The following GNAQ variants were observed in gnomAD, a reference collection of about 807,000 sequenced individuals.
The protein encoded by GNAQ is G protein subunit alpha q, also known as guanine nucleotide-binding protein G(q) subunit alpha.
Under a neutral mutation model 43.9 loss-of-function variants are expected in GNAQ, and 8 were observed. The ratio of observed to expected loss-of-function variants is 0.18; its 90% CI spans 0.11 to 0.33. The LOEUF (loss-of-function observed/expected upper bound fraction) is 0.33. Ranked by LOEUF, GNAQ falls within the 10% of genes least tolerant of loss-of-function variation. The probability of loss-of-function intolerance (pLI) is 1.00; values close to 1 mark genes in which losing one functional copy is unlikely to be tolerated. For synonymous variants in GNAQ, 155 were observed against 170.7 expected, an observed-to-expected ratio of 0.91 and a Z score of 0.71; for missense variants, 158 against 450.8, an observed-to-expected ratio of 0.35 and a Z score of 5.88.
intron 1 of GNAQ, among the ~76,000 whole-genome samples, chr9:77,941,315 T>C (rs1249462617): frequency 1.3e-5 from 2 of 151,796 alleles, no homozygotes; most frequent in Non-Finnish European, 2.9e-5. Flanking sequence ...AGTGGCGCAA[T>C]CTTGGCTCAG....
chr9:77,786,751 A>C (rs950895622), intron 5 of GNAQ, among the ~76,000 whole-genome samples: 1 of 152,208 alleles, frequency 6.6e-6, no homozygotes, highest in Non-Finnish European at 1.5e-5. Context: ...TTGCTCATTT[A>C]TTGTGGAAAA....
intron 2 of GNAQ, among the ~76,000 whole-genome samples, chr9:77,852,647 ACTTTGGG>A (rs1183447851): frequency 6.6e-6 from 1 of 152,196 alleles, no homozygotes. Flanking sequence ...ATCCCTGCTA[ACTTTGGG>A]ACTACGTGAT....
chr9:77,751,998 T>C (rs1264613042), intron 5 of GNAQ, among the ~76,000 whole-genome samples: 3 of 152,254 alleles, frequency 2.0e-5, no homozygotes, highest in Admixed American at 6.5e-5. Context: ...GGCTGTGTGA[T>C]AGACTCATCT....
At chr9:77,807,731 C>A (rs967223988) in intron 3 of GNAQ, among the ~76,000 whole-genome samples, 1 of 152,176 alleles carries the variant, frequency 6.6e-6, no homozygotes, top group Non-Finnish European at 1.5e-5. Flanking sequence ...ATCTAAATAG[C>A]ATAAGCAGAA....
At chr9:77,971,557 A>G (rs1021002033) in intron 1 of GNAQ, among the ~76,000 whole-genome samples, 3 of 152,252 alleles carry the variant, frequency 2.0e-5, no homozygotes, top group Non-Finnish European at 4.4e-5. Flanking sequence ...GATGCAGAAA[A>G]GGCCTTCGAC....
intron 5 of GNAQ, among the ~76,000 whole-genome samples, chr9:77,736,413 A>G (rs1825577349): frequency 6.6e-6 from 1 of 152,220 alleles, no homozygotes; most frequent in Admixed American, 6.5e-5. Flanking sequence ...CGTCAAACTC[A>G]GCTGAATAGA....
At chr9:77,967,770 A>T (rs1292836347) in intron 1 of GNAQ, among the ~76,000 whole-genome samples, 1 of 152,152 alleles carries the variant, frequency 6.6e-6, no homozygotes, top group Admixed American at 6.5e-5. Context: ...ACCTGAGGTC[A>T]GCAGTTCGAA....
chr9:77,951,074 T>A (rs1822969357), intron 1 of GNAQ, among the ~76,000 whole-genome samples: 1 of 148,880 alleles, frequency 6.7e-6, no homozygotes, highest in South Asian at 2.1e-4. Context: ...ATATGAATAC[T>A]GAACGCAGTC....
At chr9:77,730,893 TA>T (rs1049566413) in intron 5 of GNAQ, among the ~76,000 whole-genome samples, 4 of 151,784 alleles carry the variant, frequency 2.6e-5, no homozygotes, top group African/African-American at 4.8e-5. Context: ...CTGAAATAAT[TA>T]AAAAAAAATT....
chr9:77,811,228 G>C (rs1414638126), intron 3 of GNAQ, among the ~76,000 whole-genome samples: 2 of 152,028 alleles, frequency 1.3e-5, no homozygotes, highest in Non-Finnish European at 2.9e-5. Flanking sequence ...GAATATTTCT[G>C]TAAGGTGATA....
chr9:77,866,614 A>T (rs1303385484), intron 2 of GNAQ, among the ~76,000 whole-genome samples: 1 of 152,198 alleles, frequency 6.6e-6, no homozygotes, highest in Non-Finnish European at 1.5e-5. Context: ...AATCAGGAGT[A>T]CTTCTCTAGA....
At chr9:77,875,233 A>C (rs1333979895) in intron 2 of GNAQ, among the ~76,000 whole-genome samples, 3 of 152,264 alleles carry the variant, frequency 2.0e-5, no homozygotes, top group Non-Finnish European at 4.4e-5. Context: ...AAATTAAACA[A>C]CACAATTTTT....
intron 2 of GNAQ, among the ~76,000 whole-genome samples, chr9:77,833,649 G>C (rs1322670159): frequency 6.6e-6 from 1 of 152,202 alleles, no homozygotes; most frequent in East Asian, 1.9e-4. Context: ...GAACTGACAA[G>C]TTTTCCTGTA....
chr9:77,987,283 A>G (rs1016702915), intron 1 of GNAQ, among the ~76,000 whole-genome samples: 1 of 152,162 alleles, frequency 6.6e-6, no homozygotes, highest in Non-Finnish European at 1.5e-5. Flanking sequence ...TCATTGGCAC[A>G]TGAAAGCCTC....
At chr9:78,000,050 CT>C (rs1255484639) in intron 1 of GNAQ, among the ~76,000 whole-genome samples, 3 of 152,024 alleles carry the variant, frequency 2.0e-5, no homozygotes, top group African/African-American at 7.2e-5. Flanking sequence ...GAGAAATTTA[CT>C]TGTACGAGAC....
At chr9:77,778,910 G>A (rs1826346051) in intron 5 of GNAQ, among the ~76,000 whole-genome samples, 1 of 151,794 alleles carries the variant, frequency 6.6e-6, no homozygotes, top group Non-Finnish European at 1.5e-5. Context: ...CCTAACAAAA[G>A]AGCATCACAA....
intron 2 of GNAQ, among the ~76,000 whole-genome samples, chr9:77,849,765 C>A (rs1827643792): frequency 6.6e-6 from 1 of 152,146 alleles, no homozygotes; most frequent in South Asian, 2.1e-4. Context: ...CTCCTAGGCT[C>A]AAGCGATCCT....
chr9:77,944,546 T>C (rs572908492), intron 1 of GNAQ, among the ~76,000 whole-genome samples: 19 of 152,134 alleles, frequency 1.2e-4, no homozygotes, highest in South Asian at 2.1e-4. Context: ...TCAGGCCCAG[T>C]AGAAAATATG....
chr9:77,735,801 G>C (rs1825569941), intron 5 of GNAQ, among the ~76,000 whole-genome samples: 1 of 152,186 alleles, frequency 6.6e-6, no homozygotes, highest in South Asian at 2.1e-4. Context: ...AGTGGTGACA[G>C]GCCAGGGCTG....
Sources: allele counts gnomAD v4.1 joint callset (sites outside exome capture counted in the v4.1 genomes callset), GRCh38; gene constraint gnomAD v4.1.1; transcripts MANE v1.5; gene names NCBI Gene and HGNC (gene_info 2026-07-23, HGNC 2026-07-21).